Variants in NCOA1 observed in about 807,000 individuals in gnomAD.
NCOA1 encodes the protein Hin-2 protein.
In NCOA1, 35 loss-of-function variants were observed where a neutral mutation model predicts 150.9. The ratio of observed to expected loss-of-function variants is 0.23; its 90% CI spans 0.18 to 0.31. The LOEUF (loss-of-function observed/expected upper bound fraction) is 0.31. Among genes scored for constraint, NCOA1 ranks in the 10% least tolerant of loss-of-function variants. The probability of loss-of-function intolerance (pLI) is 1.00; values close to 1 mark genes in which losing one functional copy is unlikely to be tolerated. For missense variants in NCOA1, 1,491 were observed against 1,749.3 expected, an observed-to-expected ratio of 0.85 and a Z score of 2.63; for synonymous variants, 590 against 630.0, an observed-to-expected ratio of 0.94 and a Z score of 0.95.
chr2:24,528,676 T>TA (rs1332030724), intron 1 of NCOA1, among the ~76,000 whole-genome samples: 2 of 151,864 alleles, frequency 1.3e-5, no homozygotes, highest in Admixed American at 6.6e-5. Context: ...GTGGAAATCC[T>TA]AAAAAAAGTT....
intron 15 of NCOA1, among the ~76,000 whole-genome samples, chr2:24,727,008 C>A (rs532444228): frequency 6.6e-6 from 1 of 151,284 alleles, no homozygotes; most frequent in Non-Finnish European, 1.5e-5. Flanking sequence ...CGTGGTGGTG[C>A]GCAGCTGTAA....
intron 3 of NCOA1, among the ~76,000 whole-genome samples, chr2:24,613,175 CCTA>C (rs1346876292): frequency 6.6e-6 from 1 of 151,954 alleles, no homozygotes; most frequent in Non-Finnish European, 1.5e-5. Context: ...GCTTCTATAG[CCTA>C]TGTACTTCTT....
intron 14 of NCOA1, among the ~76,000 whole-genome samples, chr2:24,725,140 A>G (rs746860348): frequency 6.6e-6 from 1 of 152,188 alleles, no homozygotes. Flanking sequence ...AGCATTAAGT[A>G]CATTTTGGGA....
At chr2:24,658,564 A>G (rs1671045308) in intron 4 of NCOA1, 97 bp from the exon 5 acceptor site, 1 of 827,800 alleles carries the variant, frequency 1.2e-6, no homozygotes. Flanking sequence ...ATATAGCACA[A>G]TTTTTAGAAA....
At chr2:24,495,901 A>G (rs899431325) in intron 1 of NCOA1, among the ~76,000 whole-genome samples, 1 of 152,254 alleles carries the variant, frequency 6.6e-6, no homozygotes. Context: ...TATGATTGGC[A>G]CATAGACATT....
intron 8 of NCOA1, among the ~76,000 whole-genome samples, chr2:24,686,176 A>G (rs1672394091): frequency 6.6e-6 from 1 of 151,736 alleles, no homozygotes; most frequent in South Asian, 2.1e-4. Flanking sequence ...TAATCTTTGT[A>G]TTTTTAGTAG....
chr2:24,691,338 A>G lies in NCOA1; in HGVS notation c.533-143A>G, dbSNP rs561164604. 6.1e-6 allele frequency: 4 copies of G among 654,350 alleles called. No individual in the cohort carries two copies. In the Admixed American group the frequency reaches 7.8e-5, roughly 13 times the overall value. The allele number at this position is 654,350 out of a possible 1,614,324, so 40.5% of individuals were successfully genotyped here. A position where few individuals can be genotyped will look rare whatever the true frequency, so the allele number is the denominator to read the frequency against. On this transcript the variant is annotated intron_variant, in intron 8 of 22. Transcript: ENST00000348332. ...GAGATAAGTATTCTATTGCCTCAGGATAATGTTAGATCTGAAGAGGTCAGT... is the reference window on the plus strand; with the variant it reads ...GAGATAAGTATTCTATTGCCTCAGGGTAATGTTAGATCTGAAGAGGTCAGT...
At chr2:24,567,483 G>A (rs2148270742) in intron 2 of NCOA1, among the ~76,000 whole-genome samples, 1 of 152,266 alleles carries the variant, frequency 6.6e-6, no homozygotes, top group East Asian at 1.9e-4. Context: ...AATTGAAGAT[G>A]TCTTTTATTC....
intron 8 of NCOA1, among the ~76,000 whole-genome samples, chr2:24,687,437 G>A (rs1036492417): frequency 3.3e-5 from 5 of 151,956 alleles, no homozygotes; most frequent in African/African-American, 4.8e-5. Flanking sequence ...TGTCATGGGG[G>A]TTTGTTGTAC....
intron 5 of NCOA1, among the ~76,000 whole-genome samples, chr2:24,663,340 G>A (rs937548896): frequency 6.6e-6 from 1 of 152,148 alleles, no homozygotes. Flanking sequence ...AGGTCTAGAT[G>A]TACTTCTATA....
chr2:24,702,284 C>T (rs1188800413), intron 11 of NCOA1, among the ~76,000 whole-genome samples: 1 of 152,110 alleles, frequency 6.6e-6, no homozygotes, highest in African/African-American at 2.4e-5. Flanking sequence ...AATTTTAGAA[C>T]ATCTAGGGGT....
intron 9 of NCOA1, 111 bp from the exon 10 acceptor site, chr2:24,693,141 A>T: frequency 9.8e-7 from 1 of 1,022,840 alleles, no homozygotes; most frequent in Non-Finnish European, 1.5e-6. Flanking sequence ...GGCGTGAGCC[A>T]CCACGTCTGG....
intron 1 of NCOA1, among the ~76,000 whole-genome samples, chr2:24,518,492 A>G (rs1292826711): frequency 6.6e-6 from 1 of 152,010 alleles, no homozygotes; most frequent in African/African-American, 2.4e-5. Context: ...TCTAATCTGT[A>G]TGATGAAGTA....
chr2:24,558,344 C>T (rs545155072), intron 1 of NCOA1, among the ~76,000 whole-genome samples: 28 of 152,144 alleles, frequency 1.8e-4, no homozygotes, highest in Non-Finnish European at 3.2e-4. Context: ...AAGACATACC[C>T]GAGACTGGGA....
At chr2:24,670,245 A>G (rs568592788) in intron 6 of NCOA1, among the ~76,000 whole-genome samples, 11 of 152,358 alleles carry the variant, frequency 7.2e-5, no homozygotes, top group African/African-American at 2.6e-4. Flanking sequence ...AAACAGTCCA[A>G]CAGTTTCTCA....
intron 17 of NCOA1, among the ~76,000 whole-genome samples, chr2:24,731,800 C>T (rs1026736876): frequency 2.6e-5 from 4 of 152,212 alleles, no homozygotes; most frequent in East Asian, 1.9e-4. Flanking sequence ...ACAGTTTCCC[C>T]GTGTTTAATT....
intron 6 of NCOA1, 38 bp downstream of exon 6, chr2:24,665,953 G>C: frequency 8.0e-7 from 1 of 1,248,440 alleles, no homozygotes; most frequent in Non-Finnish European, 1.1e-6. Context: ...TGTGTGCTTT[G>C]TTATTAAGAC....
At chr2:24,669,562 T>A (rs1671592530) in intron 6 of NCOA1, among the ~76,000 whole-genome samples, 1 of 152,192 alleles carries the variant, frequency 6.6e-6, no homozygotes, top group Non-Finnish European at 1.5e-5. Context: ...TGATAGTTTG[T>A]TTTTTAGAAC....
At chr2:24,716,759 A>G (rs1206819813) in intron 14 of NCOA1, among the ~76,000 whole-genome samples, 1 of 152,222 alleles carries the variant, frequency 6.6e-6, no homozygotes, top group Admixed American at 6.5e-5. Context: ...TCAATAATCA[A>G]TAACCTTTCA....
Sources: allele counts gnomAD v4.1 joint callset (sites outside exome capture counted in the v4.1 genomes callset), GRCh38; gene constraint gnomAD v4.1.1; transcripts MANE v1.5; gene names NCBI Gene and HGNC (gene_info 2026-07-23, HGNC 2026-07-21).